The following MLLT3 variants were observed in gnomAD, a reference collection of about 807,000 sequenced individuals.
The protein encoded by MLLT3 is protein AF-9.
MLLT3 carries 4 observed loss-of-function variants against 53.2 expected under a neutral mutation model. The ratio of observed to expected loss-of-function variants is 0.08; its 90% confidence interval spans 0.04 to 0.17. The LOEUF is 0.17. Ranked by LOEUF, MLLT3 falls within the 10% of genes least tolerant of loss-of-function variation. MLLT3 has a pLI of 1.00. For missense variants in MLLT3, 569 were observed against 684.0 expected (o/e 0.83, Z 1.87); for synonymous variants, 283 against 230.6 (o/e 1.23, Z -2.06).
At chr9:20,573,175 T>C (rs541595770) in intron 2 of MLLT3, among the ~76,000 whole-genome samples, 9 of 90,600 alleles carry the variant, frequency 9.9e-5, no homozygotes, top group Admixed American at 6.5e-4. Context: ...TTTTGTTTGT[T>C]TTTTTTTGTT....
intron 4 of MLLT3, among the ~76,000 whole-genome samples, chr9:20,431,682 A>C (rs781385214): frequency 2.0e-4 from 30 of 152,120 alleles, no homozygotes; most frequent in Admixed American, 5.2e-4. Flanking sequence ...GGTATACTAG[A>C]CATATGCACA....
At chr9:20,588,912 A>ATG (rs1820051787) in intron 2 of MLLT3, among the ~76,000 whole-genome samples, 4 of 151,606 alleles carry the variant, frequency 2.6e-5, no homozygotes, top group Non-Finnish European at 4.4e-5. Flanking sequence ...TTAGAATGGC[A>ATG]ATCATTAAAA....
At chr9:20,392,995 A>C (rs1822225580) in intron 5 of MLLT3, among the ~76,000 whole-genome samples, 1 of 152,140 alleles carries the variant, frequency 6.6e-6, no homozygotes, top group South Asian at 2.1e-4. Flanking sequence ...GTCTCTACTA[A>C]AAATACAAAA....
At position 20,471,476 on chromosome 9, in the gene MLLT3, T is replaced by C. The variant is rs115187416; in HGVS notation, c.194-14690A>G. 7.6e-3 allele frequency among the ~76,000 whole-genome samples: 1,150 copies of C among 152,150 alleles called. 19 individuals are homozygous for C. The highest frequency in any genetic ancestry group is 0.026 in the African/African-American group (1,098 of 41,528). On this transcript the variant is annotated intron_variant, in intron 2 of 10. Coordinates refer to ENST00000380338, the MANE Select transcript of MLLT3 (RefSeq NM_004529.4). ...CACACAAGAAACAAGTTTATAAAGA[T>C]ACCAGATTTAGAGCCAGCTAAACTG...
At chr9:20,515,271 T>C (rs889640005) in intron 2 of MLLT3, among the ~76,000 whole-genome samples, 2 of 152,070 alleles carry the variant, frequency 1.3e-5, no homozygotes, top group African/African-American at 2.4e-5. Flanking sequence ...TAGGCAATGC[T>C]CCAATTGTTT....
In MLLT3 at chr9:20,346,045, G is replaced by C; in HGVS notation, c.*398C>G. ...TCTGTATGCGATAATAAATAGATCA[G>C]TTATGTAATAAGGCAGTGTGTTGAA... On this transcript the variant is annotated 3_prime_UTR_variant, in exon 11 of 11. Transcript: ENST00000380338. The C allele has an allele frequency of 4.1e-6, 1 of 246,386 alleles. No individual in the cohort carries two copies. The highest frequency in any genetic ancestry group is 8.0e-6 in the Non-Finnish European group (1 of 125,302). The allele number at this position is 246,386 out of a possible 1,614,324, so 15.3% of individuals were successfully genotyped here.
At chr9:20,542,042 G>C (rs1250226361) in intron 2 of MLLT3, among the ~76,000 whole-genome samples, 1 of 152,082 alleles carries the variant, frequency 6.6e-6, no homozygotes, top group African/African-American at 2.4e-5. Flanking sequence ...TCTATCAGAA[G>C]AATCACTATC....
Position 20,363,595 on chromosome 9 carries a change from C to T in MLLT3, c.1212G>A (p.Arg404=). 2 of 1,613,590 alleles carry T rather than the reference C, an allele frequency of 1.2e-6. No individual in the cohort carries two copies. Among genetic ancestry groups the T allele is most frequent in the Non-Finnish European group, 1.7e-6 (2 of 1,179,934 alleles). ...PSQTRQQGPL[R]SIMKDLHSDD... ...CAGAATGCAGATCTTTCATTATAGA[C>T]CTCAAAGGACCTGAGTAATGACAAT... is the stretch of plus-strand genomic sequence containing the variant. Residue 404 remains arginine, a synonymous_variant, in exon 7 of 11, where the codon AGG becomes AGA. Transcript: ENST00000380338.
intron 2 of MLLT3, among the ~76,000 whole-genome samples, chr9:20,566,962 C>T (rs1376314376): frequency 1.3e-5 from 2 of 152,062 alleles, no homozygotes; most frequent in Admixed American, 1.3e-4. Flanking sequence ...TAGGATTCTG[C>T]TATGTCCCTG....
At chr9:20,454,286 T>C (rs1243725543) in intron 3 of MLLT3, among the ~76,000 whole-genome samples, 1 of 152,000 alleles carries the variant, frequency 6.6e-6, no homozygotes, top group Non-Finnish European at 1.5e-5. Context: ...CGTGCGCGTA[T>C]GGTAGGGAGT....
intron 4 of MLLT3, among the ~76,000 whole-genome samples, chr9:20,439,390 C>T (rs1232787479): frequency 2.8e-5 from 4 of 144,786 alleles, no homozygotes; most frequent in African/African-American, 1.0e-4. Flanking sequence ...AAAATATTTA[C>T]AGATCTTTCC....
chr9:20,616,883 A>G (rs1820845715), intron 2 of MLLT3, among the ~76,000 whole-genome samples: 2 of 152,198 alleles, frequency 1.3e-5, no homozygotes, highest in African/African-American at 4.8e-5. Flanking sequence ...GAAAATTCCT[A>G]GAAGTAAATT....
intron 2 of MLLT3, among the ~76,000 whole-genome samples, chr9:20,603,266 T>C (rs1461070333): frequency 3.9e-5 from 6 of 152,046 alleles, no homozygotes; most frequent in African/African-American, 1.4e-4. Context: ...TATAAGTATA[T>C]AGGTTAGCCT....
At chr9:20,467,911 T>C (rs1370514960) in intron 2 of MLLT3, among the ~76,000 whole-genome samples, 2 of 152,198 alleles carry the variant, frequency 1.3e-5, no homozygotes, top group African/African-American at 2.4e-5. Flanking sequence ...CAAGGGCTCA[T>C]TGAAAACTTT....
At chr9:20,552,790 T>A (rs1192891764) in intron 2 of MLLT3, among the ~76,000 whole-genome samples, 3 of 152,158 alleles carry the variant, frequency 2.0e-5, no homozygotes, top group Non-Finnish European at 2.9e-5. Flanking sequence ...AAGTCAAATA[T>A]AAGACTAGTA....
Position 20,448,345 on chromosome 9 carries a change from A to T in MLLT3, c.277-79T>A. 1 of 1,375,662 alleles carries T rather than the reference A, an allele frequency of 7.3e-7. No homozygotes were observed. Among genetic ancestry groups the T allele is most frequent in the Non-Finnish European group, 1.0e-6 (1 of 990,994 alleles). 85.2% of individuals were successfully genotyped at this position (1,375,662 alleles called of 1,614,324 possible). A position where few individuals can be genotyped will look rare whatever the true frequency, so the allele number is the denominator to read the frequency against. ...TTTTAAAAGCAAAAATTTACTCCTC[A>T]TAAGAAATAGAAAAGAACTAAGACA... On this transcript the variant is annotated intron_variant, in intron 3 of 10. Coordinates refer to ENST00000380338, the MANE Select transcript of MLLT3 (RefSeq NM_004529.4). The surrounding 1 kb of genome is among the most constrained non-coding windows in gnomAD (Gnocchi z 4.0).
chr9:20,621,902 C>CGTGTGTGT lies in MLLT3; in HGVS notation c.12+335_12+342dup, dbSNP rs142328824. On this transcript the variant is annotated intron_variant, in intron 1 of 10. Coordinates refer to ENST00000380338, the MANE Select transcript of MLLT3 (RefSeq NM_004529.4). The surrounding 1 kb of genome is among the most constrained non-coding windows in gnomAD (Gnocchi z 7.0). ...TGAGTTATTATTCGCCTCCTTCCACCGTGTGTGTGTGTGTGTGTGAGTGCG... is the reference window on the plus strand; with the variant it reads ...TGAGTTATTATTCGCCTCCTTCCACCGTGTGTGTGTGTGTGTGTGTGTGTGTGAGTGCG... 1.8e-5 allele frequency: 22 copies of CGTGTGTGT among 1,233,366 alleles called. No homozygotes were observed. In the Admixed American group the frequency reaches 2.5e-4, roughly 14 times the overall value. 76.4% of individuals were successfully genotyped at this position (1,233,366 alleles called of 1,614,324 possible).
At chr9:20,437,437 T>G (rs868255001) in intron 4 of MLLT3, among the ~76,000 whole-genome samples, 1 of 150,930 alleles carries the variant, frequency 6.6e-6, no homozygotes, top group Non-Finnish European at 1.5e-5. Flanking sequence ...CAGAAAAAAA[T>G]AAAAAAGAAG....
chr9:20,534,297 A>G (rs1385440054), intron 2 of MLLT3, among the ~76,000 whole-genome samples: 1 of 152,198 alleles, frequency 6.6e-6, no homozygotes, highest in East Asian at 1.9e-4. Context: ...CGATGGGAAA[A>G]AGTCTTCATT....
Sources: allele counts gnomAD v4.1 joint callset (sites outside exome capture counted in the v4.1 genomes callset), GRCh38; gene constraint gnomAD v4.1.1; non-coding constraint Gnocchi (gnomAD v3.1); transcripts MANE v1.5; gene names NCBI Gene and HGNC (gene_info 2026-07-23, HGNC 2026-07-21).